Variants in SRR observed in about 807,000 individuals in gnomAD.
The protein encoded by SRR is D-serine ammonia-lyase.
SRR carries 19 observed loss-of-function variants against 32.7 expected under a neutral mutation model. The ratio of observed to expected loss-of-function variants is 0.58; its 90% CI spans 0.40 to 0.85. The LOEUF is 0.85. SRR is among the 40% of genes least tolerant of loss of function. The probability of loss-of-function intolerance (pLI) is 0.00; values close to 1 mark genes in which losing one functional copy is unlikely to be tolerated. For synonymous variants in SRR, 142 were observed against 140.9 expected, an observed-to-expected ratio of 1.01 and a Z score of -0.06; for missense variants, 373 against 404.7, an observed-to-expected ratio of 0.92 and a Z score of 0.67.
At chr17:2,313,658 C>T (rs568325065) in intron 1 of SRR, among the ~76,000 whole-genome samples, 42 of 152,026 alleles carry the variant, frequency 2.8e-4, no homozygotes, top group Non-Finnish European at 5.3e-4. Flanking sequence ...ATTGCTTGAA[C>T]CCAGGAGGCA....
chr17:2,320,172 G>A (rs556107230), intron 4 of SRR, among the ~76,000 whole-genome samples: 4 of 151,008 alleles, frequency 2.6e-5, no homozygotes, highest in South Asian at 2.1e-4. Context: ...TCTCATACAC[G>A]GTGGAAACGA....
chr17:2,303,814 T>A (rs1367064416), upstream of SRR: 1 of 969,100 alleles, frequency 1.0e-6, no homozygotes, highest in Non-Finnish European at 1.4e-6. Flanking sequence ...CTCGCCCACC[T>A]CCCGGCCTTT....
chr17:2,309,855 G>A (rs1462507274), intron 1 of SRR: 1 of 152,112 alleles, frequency 6.6e-6, no homozygotes, highest in African/African-American at 2.4e-5. Flanking sequence ...CTGAAACTGA[G>A]AAAGAAAATT....
chr17:2,320,665 G>A (rs992468842), intron 4 of SRR, among the ~76,000 whole-genome samples: 1 of 152,042 alleles, frequency 6.6e-6, no homozygotes, highest in African/African-American at 2.4e-5. Flanking sequence ...GGGTTCAAGA[G>A]ATTCTCATGC....
In SRR at chr17:2,324,478, T is replaced by G; in HGVS notation, c.*605T>G. 6.2e-7 allele frequency: 1 copy of G among 1,614,142 alleles called. No homozygotes were observed. Among genetic ancestry groups the G allele is most frequent in the Non-Finnish European group, 8.5e-7 (1 of 1,179,988 alleles). On this transcript the variant is annotated 3_prime_UTR_variant, in exon 8 of 8. Transcript: ENST00000344595. ...TAGCAACACTGCAGAAATGCAGACA[T>G]GGTCTCAAATCCCGTGTTTCCTTAC...
At chr17:2,306,514 C>T (rs547305641) in intron 1 of SRR, among the ~76,000 whole-genome samples, 165 of 152,098 alleles carry the variant, frequency 1.1e-3, no homozygotes, top group South Asian at 6.2e-3. Context: ...GTCAGGAGTT[C>T]GAGACCAGCC....
In SRR at chr17:2,324,260, G is replaced by C. The variant is rs778676942; in HGVS notation, c.*387G>C. 12 of 1,548,288 alleles carry C rather than the reference G, an allele frequency of 7.8e-6. No homozygotes were observed. Among genetic ancestry groups the C allele is most frequent in the Admixed American group, 4.2e-5 (2 of 47,182 alleles). On this transcript the variant is annotated 3_prime_UTR_variant, in exon 8 of 8. Coordinates refer to ENST00000344595, the MANE Select transcript of SRR (RefSeq NM_021947.3). ...ACTTTTCAGCCAGGGTACTGGTTCT[G>C]GTACATATGGATCATAAGTCCATTT... is the stretch of plus-strand genomic sequence containing the variant.
At chr17:2,313,744 CA>C (rs369802725) in intron 1 of SRR, among the ~76,000 whole-genome samples, 58 of 146,696 alleles carry the variant, frequency 4.0e-4, no homozygotes, top group African/African-American at 1.1e-3. Flanking sequence ...AAAAAAACAA[CA>C]AAAAAAAAAT....
intron 6 of SRR, chr17:2,322,560 G>C (rs1269509632): frequency 6.6e-6 from 1 of 152,466 alleles, no homozygotes; most frequent in African/African-American, 2.4e-5. Flanking sequence ...GAGTGCAGTG[G>C]CACGATCTTG....
Position 2,323,679 on chromosome 17 carries a change from A to T in SRR, c.829A>T (p.Arg277Trp). The T allele has an allele frequency of 6.2e-7, 1 of 1,614,128 alleles. No homozygotes were observed. Among genetic ancestry groups the T allele is most frequent in the South Asian group, 1.1e-5 (1 of 91,078 alleles). Residue 277 changes from arginine (R) to tryptophan (W), a missense_variant, in exon 8 of 8, where the codon AGG (arginine) becomes TGG (tryptophan). Arg to Trp is a moderately radical substitution (Grantham distance 101). Coordinates refer to ENST00000344595, the MANE Select transcript of SRR (RefSeq NM_021947.3). Reference protein sequence around the residue: ...IKCATQLVWERMKLLIEPTAG... With the variant: ...IKCATQLVWEWMKLLIEPTAG... The stretch of plus-strand genomic sequence containing the variant: ...GTGTGCAACCCAGCTGGTGTGGGAG[A>T]GGATGAAACTACTCATTGAACCTAC...
rs143396929 is a variant in SRR at position 2,325,127 on chromosome 17, G to A, written c.*1254G>A. On this transcript the variant is annotated 3_prime_UTR_variant, in exon 8 of 8. Coordinates refer to ENST00000344595, the MANE Select transcript of SRR (RefSeq NM_021947.3). ...GAGGACTGGCTATACACTGTTTCAC[G>A]TAAAAGTTGGAGTTTTCATTGTTCT... 11 of 608,478 alleles carry A rather than the reference G, an allele frequency of 1.8e-5. No individual in the cohort carries two copies. Among genetic ancestry groups the A allele is most frequent in the East Asian group, 8.5e-5 (3 of 35,244 alleles). The allele number at this position is 608,478 out of a possible 1,614,324, so 37.7% of individuals were successfully genotyped here. A position where few individuals can be genotyped will look rare whatever the true frequency, so the allele number is the denominator to read the frequency against.
chr17:2,325,052 T>C lies in SRR; in HGVS notation c.*1179T>C. Reference sequence around the variant, plus strand: ...ATGATGTATAACAAAACCATACTTTTTCTCATCAGTTGTTACAAGGAAAGG... The same window carrying C: ...ATGATGTATAACAAAACCATACTTTCTCTCATCAGTTGTTACAAGGAAAGG... On this transcript the variant is annotated 3_prime_UTR_variant, in exon 8 of 8. Transcript: ENST00000344595. The C allele has an allele frequency of 1.7e-6, 1 of 603,258 alleles. No individual in the cohort carries two copies. Among genetic ancestry groups the C allele is most frequent in the South Asian group, 2.3e-5 (1 of 42,714 alleles). The allele number at this position is 603,258 out of a possible 1,614,324, so 37.4% of individuals were successfully genotyped here. A position where few individuals can be genotyped will look rare whatever the true frequency, so the allele number is the denominator to read the frequency against.
chr17:2,313,098 T>C lies in SRR; in HGVS notation c.-4-2459T>C, dbSNP rs190194262. Among the ~76,000 whole-genome samples the C allele has an allele frequency of 5.1e-4, 77 of 152,278 alleles. 1 individual carries two copies. The East Asian group carries it at 6.6e-3, about 13-fold the overall frequency. On this transcript the variant is annotated intron_variant, in intron 1 of 7. Coordinates refer to ENST00000344595, the MANE Select transcript of SRR (RefSeq NM_021947.3). ...TGTGTCACTGCCCCCAGCTAAATTA[T>C]TGTATTTTTGTAAAAGAAGTACTAT... is the stretch of plus-strand genomic sequence containing the variant.
chr17:2,315,252 A>AAT, intron 1 of SRR: 1 of 184,082 alleles, frequency 5.4e-6, no homozygotes, highest in East Asian at 1.3e-4. Flanking sequence ...AAAAAAAAAA[A>AAT]AAAAAAAGGA....
At chr17:2,303,563 G>A, upstream of SRR, 1 of 1,357,308 alleles carries the variant, frequency 7.4e-7, no homozygotes, top group South Asian at 1.7e-5. Context: ...CGAGCGGGGA[G>A]GAGGCAGAGG....
At chr17:2,310,929 G>A (rs1370996079) in intron 1 of SRR, among the ~76,000 whole-genome samples, 1 of 151,856 alleles carries the variant, frequency 6.6e-6, no homozygotes, top group Non-Finnish European at 1.5e-5. Context: ...TGTATTTTTA[G>A]TAGAGACAGG....
upstream of SRR, chr17:2,303,886 C>G: frequency 5.8e-6 from 3 of 516,824 alleles, no homozygotes; most frequent in Non-Finnish European, 9.9e-6. Context: ...GAAAAGCGCC[C>G]GCCGCCGGTT....
chr17:2,323,523 A>G, intron 7 of SRR, 132 bp from the exon 8 acceptor site: 1 of 1,180,294 alleles, frequency 8.5e-7, no homozygotes, highest in Non-Finnish European at 1.2e-6. Context: ...TCAGAATTAA[A>G]GAAAAGCTTT....
chr17:2,309,624 C>A (rs1030333948), intron 1 of SRR, among the ~76,000 whole-genome samples: 1 of 152,088 alleles, frequency 6.6e-6, no homozygotes, highest in Non-Finnish European at 1.5e-5. Flanking sequence ...TGATATATGT[C>A]TTTGAATATA....
Sources: gnomAD v4.1 joint callset for allele counts (sites outside exome capture counted in the v4.1 genomes callset) on GRCh38, gnomAD v4.1.1 for gene constraint, MANE v1.5 for transcripts, NCBI Gene and HGNC (gene_info 2026-07-23, HGNC 2026-07-21) for gene names.